Variants in IQCK observed in about 807,000 individuals in gnomAD.
IQCK encodes the protein IQ domain-containing protein K.
In IQCK, 29 loss-of-function variants were observed where a neutral mutation model predicts 28.1. That is an observed-to-expected ratio of 1.03 (90% CI 0.77 to 1.41). The LOEUF is 1.41. Among genes scored for constraint, IQCK ranks in the 40% most tolerant of loss-of-function variants. IQCK has a pLI of 0.00. For missense variants in IQCK, 359 were observed against 314.7 expected, an observed-to-expected ratio of 1.14 and a Z score of -1.07; for synonymous variants, 113 against 115.1, an observed-to-expected ratio of 0.98 and a Z score of 0.12.
chr16:19,744,656 A>G lies in IQCK; in HGVS notation c.474+9206A>G, dbSNP rs994961844. 2.6e-5 allele frequency among the ~76,000 whole-genome samples: 4 copies of G among 152,312 alleles called. No homozygotes were observed. In the Middle Eastern group the frequency reaches 0.014, roughly 518 times the overall value. ...AATAGATTTATTTAACCCTTTCTCA[A>G]AGGGTCATTTTCAATCATGTAAAAA... On this transcript the variant is annotated intron_variant, in intron 4 of 7. Coordinates refer to ENST00000564186, the Ensembl canonical transcript of IQCK.
chr16:19,816,526 C>T (rs2055991277), intron 7 of IQCK, among the ~76,000 whole-genome samples: 1 of 152,250 alleles, frequency 6.6e-6, no homozygotes, highest in South Asian at 2.1e-4. Context: ...AGGGGATCCA[C>T]CCGCCTCAGC....
At chr16:19,847,371 A>G (rs2056425667) in intron 9 of IQCK, among the ~76,000 whole-genome samples, 1 of 152,184 alleles carries the variant, frequency 6.6e-6, no homozygotes. Context: ...AGTGGGGTAC[A>G]CCGGTCACAG....
intron 7 of IQCK, 112 bp from the exon 8 acceptor site, chr16:19,826,914 G>GA: frequency 1.4e-6 from 1 of 719,464 alleles, no homozygotes; most frequent in Non-Finnish European, 2.5e-6. Context: ...ATGATTCATT[G>GA]AGAATCAAAA....
In IQCK at chr16:19,736,464, C is replaced by T. The variant is rs546562993; in HGVS notation, c.474+1014C>T. Among the ~76,000 whole-genome samples, 3 of 152,038 alleles carry T rather than the reference C, an allele frequency of 2.0e-5. No individual in the cohort carries two copies. The South Asian group carries it at 6.2e-4, about 32-fold the overall frequency. ...TGATTGATTGATTGTAGATACTGGGCAAAAACTCAGTGAACTCGGTAGAAA... is the reference window on the plus strand; with the variant it reads ...TGATTGATTGATTGTAGATACTGGGTAAAAACTCAGTGAACTCGGTAGAAA... On this transcript the variant is annotated intron_variant, in intron 4 of 7. Coordinates refer to ENST00000564186, the Ensembl canonical transcript of IQCK.
intron 6 of IQCK, among the ~76,000 whole-genome samples, chr16:19,769,525 G>T (rs2055288919): frequency 6.6e-6 from 1 of 152,206 alleles, no homozygotes; most frequent in Non-Finnish European, 1.5e-5. Flanking sequence ...AAAGATGGGA[G>T]AAGAGACAGG....
chr16:19,824,391 G>A (rs1179919901), intron 7 of IQCK, among the ~76,000 whole-genome samples: 2 of 152,182 alleles, frequency 1.3e-5, no homozygotes, highest in African/African-American at 4.8e-5. Flanking sequence ...GTGAGCGATA[G>A]GGAGTGGCTG....
rs1041096471 is a variant in IQCK at position 19,718,622 on chromosome 16, G to T, written c.181+135G>T. On this transcript the variant is annotated intron_variant, in intron 1 of 7. Transcript: ENST00000564186. Reference sequence around the variant, plus strand: ...CAGCGGCTCCGCGGGCCCGGGCTCCGCATTTTACGCATGGGGAAACTGAGG... The same window carrying T: ...CAGCGGCTCCGCGGGCCCGGGCTCCTCATTTTACGCATGGGGAAACTGAGG... 4.0e-6 allele frequency: 3 copies of T among 743,628 alleles called. No homozygotes were observed. The African/African-American group carries it at 5.6e-5, about 14-fold the overall frequency. The allele number at this position is 743,628 out of a possible 1,614,324, so 46.1% of individuals were successfully genotyped here.
intron 3 of IQCK, among the ~76,000 whole-genome samples, chr16:19,734,351 G>A (rs1361865736): frequency 6.6e-6 from 1 of 151,716 alleles, no homozygotes; most frequent in Non-Finnish European, 1.5e-5. Flanking sequence ...ACAAAAATTA[G>A]CTGGGCATGG....
chr16:19,839,662 T>A (rs1299457651), intron 9 of IQCK, among the ~76,000 whole-genome samples: 1 of 151,942 alleles, frequency 6.6e-6, no homozygotes, highest in Non-Finnish European at 1.5e-5. Context: ...ATAACCTCCT[T>A]CCCAGATCAG....
At chr16:19,762,624 C>T (rs1413161931) in intron 4 of IQCK, among the ~76,000 whole-genome samples, 1 of 152,098 alleles carries the variant, frequency 6.6e-6, no homozygotes, top group African/African-American at 2.4e-5. Flanking sequence ...ATCAATTAAC[C>T]TCCCTTCCTT....
intron 6 of IQCK, among the ~76,000 whole-genome samples, chr16:19,786,612 C>T (rs1164953733): frequency 4.4e-5 from 6 of 137,552 alleles, no homozygotes; most frequent in South Asian, 2.2e-4. Context: ...ACAGGAGGAT[C>T]GCTTGAACCT....
At chr16:19,723,427 T>C (rs1166525004) in intron 1 of IQCK, among the ~76,000 whole-genome samples, 2 of 152,184 alleles carry the variant, frequency 1.3e-5, no homozygotes, top group Admixed American at 6.6e-5. Context: ...AGCTGCTGTT[T>C]ATGTGCCAGG....
rs149965016 is a variant in IQCK at position 19,724,404 on chromosome 16, C to A, written c.181+5917C>A. Among the ~76,000 whole-genome samples the A allele has an allele frequency of 3.7e-3, 559 of 152,324 alleles. 2 individuals are homozygous for A. The highest frequency in any genetic ancestry group is 0.013 in the African/African-American group (529 of 41,558). On this transcript the variant is annotated intron_variant, in intron 1 of 7. Transcript: ENST00000564186. ...CATGTGGCTCTCCAGCAGCCTGGTACAACCTCCCACTATAGTATATGCCTG... is the reference window on the plus strand; with the variant it reads ...CATGTGGCTCTCCAGCAGCCTGGTAAAACCTCCCACTATAGTATATGCCTG...
intron 4 of IQCK, among the ~76,000 whole-genome samples, chr16:19,736,984 C>CAA (rs55687544): frequency 1.4e-3 from 96 of 67,064 alleles, no homozygotes; most frequent in African/African-American, 3.5e-3. Flanking sequence ...CCGGTATTTA[C>CAA]AAAAAAAAAA....
At chr16:19,812,311 T>G (rs2055917451) in intron 7 of IQCK, among the ~76,000 whole-genome samples, 1 of 152,198 alleles carries the variant, frequency 6.6e-6, no homozygotes, top group Admixed American at 6.5e-5. Flanking sequence ...AAATTAATAT[T>G]TATGTAATAC....
chr16:19,838,405 T>G (rs1312704266), intron 9 of IQCK, among the ~76,000 whole-genome samples: 1 of 152,178 alleles, frequency 6.6e-6, no homozygotes, highest in Non-Finnish European at 1.5e-5. Flanking sequence ...TTGTGAAGTT[T>G]GATCACATGT....
intron 9 of IQCK, among the ~76,000 whole-genome samples, chr16:19,832,856 CA>C (rs1215264492): frequency 6.6e-6 from 1 of 151,978 alleles, no homozygotes; most frequent in Non-Finnish European, 1.5e-5. Context: ...GGGGAACTGT[CA>C]AACATAAACC....
At chr16:19,735,561 G>A (rs570014770) in intron 4 of IQCK, 111 bp downstream of exon 4, 15 of 867,486 alleles carry the variant, frequency 1.7e-5, no homozygotes, top group Middle Eastern at 2.8e-4. Flanking sequence ...TGACCCCTTC[G>A]GGAGGGAAAG....
At chr16:19,777,821 C>G (rs1172170286) in intron 6 of IQCK, among the ~76,000 whole-genome samples, 1 of 152,156 alleles carries the variant, frequency 6.6e-6, no homozygotes, top group African/African-American at 2.4e-5. Flanking sequence ...GAAGCCAAGA[C>G]TGGCAGATGA....
Sources: gnomAD v4.1 joint callset for allele counts (sites outside exome capture counted in the v4.1 genomes callset) on GRCh38, gnomAD v4.1.1 for gene constraint, MANE v1.5 for transcripts, NCBI Gene and HGNC (gene_info 2026-07-23, HGNC 2026-07-21) for gene names.